The following TLE3 variants were observed in gnomAD, a reference collection of about 807,000 sequenced individuals.
TLE3 encodes the protein transducin-like enhancer protein 3.
TLE3 carries 14 observed loss-of-function variants against 93.0 expected under a neutral mutation model. The observed-to-expected ratio is 0.15, with a 90% CI of 0.10 to 0.24. The LOEUF (loss-of-function observed/expected upper bound fraction) is 0.24, where lower values mean the gene tolerates loss of function less well. TLE3 is among the 10% of genes least tolerant of loss of function. The pLI is 1.00. For synonymous variants in TLE3, 451 were observed against 425.0 expected (o/e 1.06, Z -0.75); for missense variants, 693 against 1,046.6 (o/e 0.66, Z 4.66).
At chr15:70,083,562 C>A in intron 4 of TLE3, among the ~76,000 whole-genome samples, 1 of 133,772 alleles carries the variant, frequency 7.5e-6, no homozygotes. Flanking sequence ...CTCAGATAAC[C>A]CCCTGCCCCC....
chr15:70,056,391 G>C lies in TLE3; in HGVS notation c.1252-17C>G. ...AAAACCAACCTGTAAAGCAAGGCAA[G>C]ACAGCCCTCCATCAGCCGTGCTGCC... On this transcript the variant is annotated splice_polypyrimidine_tract_variant and intron_variant, in intron 13 of 19. Transcript: ENST00000451782. 2 of 1,608,946 alleles carry C rather than the reference G, an allele frequency of 1.2e-6. No homozygotes were observed. Among genetic ancestry groups the C allele is most frequent in the Non-Finnish European group, 1.7e-6 (2 of 1,176,896 alleles).
chr15:70,053,254 C>T lies in TLE3; in HGVS notation c.1947G>A (p.Gln649=). The change falls in exon 17 of 20, where the codon CAG becomes CAA. Residue 649 remains glutamine, a synonymous_variant. Coordinates refer to ENST00000451782, the MANE Select transcript of TLE3 (RefSeq NM_001105192.3). ...GGGAAGTGAAGTCATGCTGCTGTAG[C>T]TGTCGGCCCTCCCGCAGGTCCCAGG... ...VRSWDLREGR[Q]LQQHDFTSQI... The T allele has an allele frequency of 6.2e-7, 1 of 1,609,258 alleles. No homozygotes were observed.
Position 70,049,213 on chromosome 15 carries a change from GGA to G in TLE3, c.*882_*883del, listed in dbSNP as rs2055309227. On this transcript the variant is annotated 3_prime_UTR_variant, in exon 20 of 20. Coordinates refer to ENST00000451782, the MANE Select transcript of TLE3 (RefSeq NM_001105192.3). Reference sequence around the variant, plus strand: ...AAAGACCAGGCTGAGGAGGAGAGAGGGAGAGACCAAGAAAGAGAGACACAGAG... The same window carrying G: ...AAAGACCAGGCTGAGGAGGAGAGAGGGAGACCAAGAAAGAGAGACACAGAG... 6.6e-6 allele frequency: 1 copy of G among 152,352 alleles called. No homozygotes were observed. The highest frequency in any genetic ancestry group is 2.4e-5 in the African/African-American group (1 of 41,434). The allele number at this position is 152,352 out of a possible 1,614,324, so 9.4% of individuals were successfully genotyped here.
At chr15:70,071,796 T>C (rs767429218) in intron 6 of TLE3, among the ~76,000 whole-genome samples, 3 of 152,146 alleles carry the variant, frequency 2.0e-5, no homozygotes, top group Admixed American at 2.0e-4. Flanking sequence ...ACCCTCTCTC[T>C]CCTGCCCTTT....
chr15:70,083,827 A>C (rs1278577155), intron 4 of TLE3, among the ~76,000 whole-genome samples: 1 of 151,920 alleles, frequency 6.6e-6, no homozygotes, highest in Non-Finnish European at 1.5e-5. Context: ...AAGGGCAGGG[A>C]CTCTTTGGAA....
intron 4 of TLE3, among the ~76,000 whole-genome samples, chr15:70,077,613 AG>A (rs1210128525): frequency 6.6e-6 from 1 of 152,144 alleles, no homozygotes; most frequent in Admixed American, 6.5e-5. Flanking sequence ...TCAACTAAAG[AG>A]CCTTATGGGT....
chr15:70,081,221 C>T (rs926344162), intron 4 of TLE3, among the ~76,000 whole-genome samples: 6 of 152,160 alleles, frequency 3.9e-5, no homozygotes, highest in South Asian at 2.1e-4. Context: ...AACTAGATAA[C>T]GTATAAGATC....
Position 70,096,566 on chromosome 15 carries a change from T to C in TLE3, c.24+209A>G, listed in dbSNP as rs1054327864. On this transcript the variant is annotated intron_variant, in intron 1 of 19. Transcript: ENST00000451782. ...CGGGGACCGCGTGAACAGCTCCCCCTGGAACACAAGCAGCCCCCCGCGCCA... is the reference window on the plus strand; with the variant it reads ...CGGGGACCGCGTGAACAGCTCCCCCCGGAACACAAGCAGCCCCCCGCGCCA... 7.4e-5 allele frequency: 110 copies of C among 1,486,264 alleles called. 2 individuals carry two copies. Among genetic ancestry groups the C allele is most frequent in the Non-Finnish European group, 8.6e-5 (95 of 1,102,886 alleles). 92.1% of individuals were successfully genotyped at this position (1,486,264 alleles called of 1,614,324 possible).
intron 19 of TLE3, 122 bp from the exon 20 acceptor site, chr15:70,050,326 T>C (rs2055403271): frequency 1.3e-6 from 1 of 755,740 alleles, no homozygotes; most frequent in Middle Eastern, 3.1e-4. Flanking sequence ...TGCCCTCCTC[T>C]GCCCCTCTCT....
intron 6 of TLE3, among the ~76,000 whole-genome samples, chr15:70,072,182 C>T (rs2057218113): frequency 1.3e-5 from 2 of 152,192 alleles, no homozygotes; most frequent in South Asian, 4.1e-4. Context: ...CCAATGTCTG[C>T]CTCGAGCTGC....
rs568356033 is a variant in TLE3, at chr15:70,094,479, A to G, written c.234+53T>C. On this transcript the variant is annotated intron_variant, in intron 4 of 19. Coordinates refer to ENST00000451782, the MANE Select transcript of TLE3 (RefSeq NM_001105192.3). ...ACAAGAGAGAACATAAGAAGTCCAC[A>G]TATATAAGTTTTTAAAAAATGAAAT... is the stretch of plus-strand genomic sequence containing the variant. The G allele has an allele frequency of 5.2e-6, 7 of 1,341,138 alleles. No homozygotes were observed. The South Asian group carries it at 9.4e-5, about 18-fold the overall frequency. The allele number at this position is 1,341,138 out of a possible 1,614,324, so 83.1% of individuals were successfully genotyped here. A position where few individuals can be genotyped will look rare whatever the true frequency, so the allele number is the denominator to read the frequency against.
rs933868217 is a variant in TLE3 at position 70,047,963 on chromosome 15, G to A, written c.*2134C>T. On this transcript the variant is annotated 3_prime_UTR_variant, in exon 20 of 20. Coordinates refer to ENST00000451782, the MANE Select transcript of TLE3 (RefSeq NM_001105192.3). ...CCCCACCCTCCCTGGCGCTTGGATGGGAGGCGACACAGTATGGGATTGTGA... is the reference window on the plus strand; with the variant it reads ...CCCCACCCTCCCTGGCGCTTGGATGAGAGGCGACACAGTATGGGATTGTGA... The A allele has an allele frequency of 5.3e-5, 8 of 152,132 alleles. No homozygotes were observed. The highest frequency in any genetic ancestry group is 1.9e-4 in the African/African-American group (8 of 41,402). 9.4% of individuals were successfully genotyped at this position (152,132 alleles called of 1,614,324 possible). A position where few individuals can be genotyped will look rare whatever the true frequency, so the allele number is the denominator to read the frequency against.
chr15:70,051,881 C>G (rs931658988), intron 18 of TLE3, among the ~76,000 whole-genome samples: 1 of 152,214 alleles, frequency 6.6e-6, no homozygotes, highest in Non-Finnish European at 1.5e-5. Context: ...CAAGCAGGAA[C>G]TCGGCCAGGG....
At position 70,049,144 on chromosome 15, in the gene TLE3, G is replaced by T. The variant is rs1347105427; in HGVS notation, c.*953C>A. 1 of 152,200 alleles carries T rather than the reference G, an allele frequency of 6.6e-6. No individual in the cohort carries two copies. Among genetic ancestry groups the T allele is most frequent in the Non-Finnish European group, 1.5e-5 (1 of 68,034 alleles). 9.4% of individuals were successfully genotyped at this position (152,200 alleles called of 1,614,324 possible). ...GAAGAGCTGGAGAGGGAGTTCCTTT[G>T]AACTTCCATTGCTCACAACAATAAC... On this transcript the variant is annotated 3_prime_UTR_variant, in exon 20 of 20. Transcript: ENST00000451782.
intron 4 of TLE3, among the ~76,000 whole-genome samples, chr15:70,089,029 C>T (rs947384623): frequency 6.6e-6 from 1 of 152,220 alleles, no homozygotes; most frequent in African/African-American, 2.4e-5. Context: ...ATGTCACCAC[C>T]TCGCCTCACT....
chr15:70,058,030 C>T lies in TLE3; in HGVS notation c.1051+129G>A. On this transcript the variant is annotated intron_variant, in intron 12 of 19. Transcript: ENST00000451782. The surrounding 1 kb of genome is among the most constrained non-coding windows in gnomAD (Gnocchi z 4.1). ...CTCCTCAAATCTGACCGTGAAGTCC[C>T]CAGGGGCAGGCCCTGGGAGACACTG... 1 of 1,435,566 alleles carries T rather than the reference C, an allele frequency of 7.0e-7. No individual in the cohort carries two copies. The highest frequency in any genetic ancestry group is 2.3e-5 in the Admixed American group (1 of 44,294). The allele number at this position is 1,435,566 out of a possible 1,614,324, so 88.9% of individuals were successfully genotyped here.
rs769674251 is a variant in TLE3, at chr15:70,050,208, G to T, written c.2203-4C>A. The stretch of plus-strand genomic sequence containing the variant: ...AGACAGACGAGGATTCTTTAGACTG[G>T]AGGAGGAAGACGAGGAGAAGCAGCA... On this transcript the variant is annotated splice_polypyrimidine_tract_variant and splice_region_variant and intron_variant, in intron 19 of 19. Coordinates refer to ENST00000451782, the MANE Select transcript of TLE3 (RefSeq NM_001105192.3). 6.2e-7 allele frequency: 1 copy of T among 1,611,528 alleles called. No individual in the cohort carries two copies. The highest frequency in any genetic ancestry group is 8.5e-7 in the Non-Finnish European group (1 of 1,177,742).
intron 6 of TLE3, among the ~76,000 whole-genome samples, chr15:70,070,150 C>A (rs1228586855): frequency 1.3e-5 from 2 of 152,222 alleles, no homozygotes; most frequent in Non-Finnish European, 2.9e-5. Flanking sequence ...AGCCTGGAAC[C>A]AAGCCCATGC....
intron 8 of TLE3, among the ~76,000 whole-genome samples, chr15:70,063,224 A>G (rs1393966656): frequency 6.6e-6 from 1 of 152,218 alleles, no homozygotes; most frequent in East Asian, 1.9e-4. Flanking sequence ...GGGCCTCATA[A>G]AGCTGGGACC....
Sources: gnomAD v4.1 joint callset for allele counts (sites outside exome capture counted in the v4.1 genomes callset) on GRCh38, gnomAD v4.1.1 for gene constraint, Gnocchi (gnomAD v3.1) non-coding constraint, MANE v1.5 for transcripts, NCBI Gene and HGNC (gene_info 2026-07-23, HGNC 2026-07-21) for gene names.